DACH2: variants seen among roughly 807,000 people sequenced by gnomAD.
The protein encoded by DACH2 is dachshund homolog 2.
Under a neutral mutation model 35.8 loss-of-function variants are expected in DACH2, and 17 were observed. That is an observed-to-expected ratio of 0.48 (90% CI 0.33 to 0.71). DACH2 has a LOEUF of 0.71. Among genes scored for constraint, DACH2 ranks in the 30% least tolerant of loss-of-function variants. DACH2 has a pLI of 0.02. For synonymous variants in DACH2, 195 were observed against 177.3 expected (o/e 1.10, Z -0.79); for missense variants, 469 against 472.7 (o/e 0.99, Z 0.07).
At position 86,407,067 on chromosome X, in the gene DACH2, AC is replaced by A. The variant is rs750165503; in HGVS notation, c.527+30206del. Among the ~76,000 whole-genome samples, 46 of 112,128 alleles carry A rather than the reference AC, an allele frequency of 4.1e-4. 1 individual carries two copies. Among genetic ancestry groups the A allele is most frequent in the Non-Finnish European group, 7.0e-4 (37 of 53,235 alleles). On this transcript the variant is annotated intron_variant, in intron 2 of 11. Coordinates refer to ENST00000373125, the MANE Select transcript of DACH2 (RefSeq NM_053281.3). ...AAGCTGCATAAACACAGAGACTTGA[AC>A]TAACATGATTTGGTCTGAAAAGTTT... is the stretch of plus-strand genomic sequence containing the variant.
intron 1 of DACH2, among the ~76,000 whole-genome samples, chrX:86,309,607 A>C (rs777029624): frequency 8.9e-6 from 1 of 111,955 alleles, no homozygotes; most frequent in South Asian, 3.8e-4. Context: ...CATTGGAGAC[A>C]CTTGCATGCC....
chrX:86,618,009 CTTGTGCCTGT>C (rs1380333558), intron 3 of DACH2, among the ~76,000 whole-genome samples: 1 of 112,299 alleles, frequency 8.9e-6, no homozygotes, highest in Admixed American at 9.5e-5. Context: ...AGCATACTGG[CTTGTGCCTGT>C]AATCCTGGGT....
intron 1 of DACH2, among the ~76,000 whole-genome samples, chrX:86,153,745 T>C (rs1382875342): frequency 8.9e-6 from 1 of 111,772 alleles, no homozygotes; most frequent in Non-Finnish European, 1.9e-5. Flanking sequence ...GGATTATAAT[T>C]AAAGCAATTA....
intron 2 of DACH2, among the ~76,000 whole-genome samples, chrX:86,439,690 T>C (rs1032281496): frequency 4.5e-5 from 5 of 111,793 alleles, no homozygotes; most frequent in African/African-American, 6.5e-5. Context: ...TTTTCTTTTT[T>C]TAGTTTCTTA....
At chrX:86,499,245 G>C (rs141281029) in intron 2 of DACH2, among the ~76,000 whole-genome samples, 182 of 111,844 alleles carry the variant, frequency 1.6e-3, no homozygotes, top group Non-Finnish European at 2.5e-3. Context: ...GTAACATACA[G>C]AAAGAGAATT....
At chrX:86,536,311 C>A (rs1009267677) in intron 3 of DACH2, among the ~76,000 whole-genome samples, 3 of 111,392 alleles carry the variant, frequency 2.7e-5, no homozygotes, top group African/African-American at 9.8e-5. Flanking sequence ...CCAGCTGGCA[C>A]CTCCTCTCAA....
chrX:86,608,200 A>G (rs941443218), intron 3 of DACH2, among the ~76,000 whole-genome samples: 9 of 111,441 alleles, frequency 8.1e-5, no homozygotes, highest in African/African-American at 2.6e-4. Flanking sequence ...AGAAATGCAA[A>G]TCAAAACCAC....
chrX:86,284,383 A>C (rs1036897789), intron 1 of DACH2, among the ~76,000 whole-genome samples: 3 of 111,865 alleles, frequency 2.7e-5, no homozygotes, highest in African/African-American at 9.8e-5. Context: ...GATATGACTT[A>C]TCACAATAAT....
At chrX:86,582,445 T>C (rs760859538) in intron 3 of DACH2, among the ~76,000 whole-genome samples, 13 of 110,237 alleles carry the variant, frequency 1.2e-4, no homozygotes, top group Non-Finnish European at 2.5e-4. Context: ...AAAGAATAAA[T>C]AAGATTAATA....
intron 7 of DACH2, among the ~76,000 whole-genome samples, chrX:86,770,632 A>G (rs764876741): frequency 8.9e-6 from 1 of 112,274 alleles, no homozygotes; most frequent in Admixed American, 9.5e-5. Context: ...ACAAGGTTGA[A>G]CTTTCAAATA....
chrX:86,428,246 G>T (rs1460283602), intron 2 of DACH2, among the ~76,000 whole-genome samples: 2 of 111,518 alleles, frequency 1.8e-5, no homozygotes, highest in Non-Finnish European at 3.8e-5. Context: ...ACCAAATAAT[G>T]ATAAAAAAGT....
chrX:86,597,151 G>T (rs1387941781), intron 3 of DACH2, among the ~76,000 whole-genome samples: 1 of 111,552 alleles, frequency 9.0e-6, no homozygotes, highest in African/African-American at 3.3e-5. Context: ...ATATGTTTGG[G>T]TTTCCTAGTT....
At chrX:86,749,098 A>G (rs2041744552) in intron 7 of DACH2, among the ~76,000 whole-genome samples, 1 of 112,077 alleles carries the variant, frequency 8.9e-6, no homozygotes, top group Non-Finnish European at 1.9e-5. Flanking sequence ...GCTCTGGATT[A>G]GGATTTGAAT....
intron 3 of DACH2, among the ~76,000 whole-genome samples, chrX:86,582,050 C>T (rs1406400220): frequency 9.0e-6 from 1 of 111,706 alleles, no homozygotes; most frequent in Non-Finnish European, 1.9e-5. Context: ...GAAATCAATA[C>T]TAAGGAAATC....
At chrX:86,520,513 C>T (rs1470508439) in intron 3 of DACH2, among the ~76,000 whole-genome samples, 1 of 111,302 alleles carries the variant, frequency 9.0e-6, no homozygotes, top group Non-Finnish European at 1.9e-5. Flanking sequence ...GCTGAAGTCT[C>T]TTACTATTAT....
At chrX:86,418,908 C>T (rs969537745) in intron 2 of DACH2, among the ~76,000 whole-genome samples, 1 of 112,080 alleles carries the variant, frequency 8.9e-6, no homozygotes, top group African/African-American at 3.2e-5. Context: ...GAATGCTTTG[C>T]TGCTTAGAGA....
At chrX:86,256,587 G>T (rs753000306) in intron 1 of DACH2, among the ~76,000 whole-genome samples, 12 of 111,678 alleles carry the variant, frequency 1.1e-4, no homozygotes, top group African/African-American at 1.9e-4. Context: ...ACGTAGAAGA[G>T]AATTCAGTTG....
chrX:86,483,593 G>T (rs1212099804), intron 2 of DACH2, among the ~76,000 whole-genome samples: 4 of 111,126 alleles, frequency 3.6e-5, no homozygotes, highest in Admixed American at 1.9e-4. Flanking sequence ...CACTTTGGGA[G>T]GCTGAGGCTC....
At chrX:86,569,007 A>C (rs184519745) in intron 3 of DACH2, among the ~76,000 whole-genome samples, 4 of 111,185 alleles carry the variant, frequency 3.6e-5, no homozygotes, top group Non-Finnish European at 7.6e-5. Context: ...AGCATATCTA[A>C]AACTCACAAG....
Sources: gnomAD v4.1 joint callset for allele counts (sites outside exome capture counted in the v4.1 genomes callset) on GRCh38, gnomAD v4.1.1 for gene constraint, MANE v1.5 for transcripts, NCBI Gene and HGNC (gene_info 2026-07-23, HGNC 2026-07-21) for gene names.